ST8SIA6: variants seen among roughly 807,000 people sequenced by gnomAD.
ST8SIA6 encodes ST8 alpha-N-acetyl-neuraminide alpha-2,8-sialyltransferase 6.
A neutral mutation model predicts 33.6 loss-of-function variants in ST8SIA6; 39 were observed. The ratio of observed to expected loss-of-function variants is 1.16; its 90% confidence interval spans 0.90 to 1.52. The LOEUF is 1.52. Ranked by LOEUF, ST8SIA6 falls within the 40% of genes most tolerant of loss-of-function variation. The pLI is 0.00. For synonymous variants in ST8SIA6, 172 were observed against 167.2 expected (o/e 1.03, Z -0.22); for missense variants, 441 against 443.8 (o/e 0.99, Z 0.06).
At chr10:17,327,772 T>G (rs2131581009) in intron 5 of ST8SIA6, among the ~76,000 whole-genome samples, 1 of 151,884 alleles carries the variant, frequency 6.6e-6, no homozygotes, top group Non-Finnish European at 1.5e-5. Flanking sequence ...CTGAGTTTGG[T>G]GAAGAGCGCC....
At chr10:17,357,330 G>C (rs575937976) in intron 4 of ST8SIA6, among the ~76,000 whole-genome samples, 122 of 151,082 alleles carry the variant, frequency 8.1e-4, no homozygotes, top group African/African-American at 2.8e-3. Flanking sequence ...TAGAGACGGG[G>C]TTCCACCATG....
chr10:17,364,869 C>G (rs1319660290), intron 3 of ST8SIA6, among the ~76,000 whole-genome samples: 6 of 152,216 alleles, frequency 3.9e-5, no homozygotes, highest in African/African-American at 1.2e-4. Context: ...ACCCCAAAAT[C>G]TTGGGAGGTA....
intron 7 of ST8SIA6, 104 bp from the exon 8 acceptor site, chr10:17,321,450 T>C (rs2131572299): frequency 3.4e-6 from 3 of 887,582 alleles, no homozygotes; most frequent in Non-Finnish European, 5.0e-6. Context: ...CACTGAACGA[T>C]TTGTATACTG....
In ST8SIA6 at chr10:17,317,691, A is replaced by G. The variant is rs1203469271; in HGVS notation, c.*3187T>C. Among the ~76,000 whole-genome samples, 1 of 152,180 alleles carries G rather than the reference A, an allele frequency of 6.6e-6. No homozygotes were observed. Among genetic ancestry groups the G allele is most frequent in the African/African-American group, 2.4e-5 (1 of 41,448 alleles). On this transcript the variant is annotated 3_prime_UTR_variant, in exon 8 of 8. Transcript: ENST00000377602. ...AGTGATTTACGGTACTTGACATTAC[A>G]TAATACTTAGCTGGTAAATTTTTTA...
chr10:17,441,412 A>G (rs946220027), intron 2 of ST8SIA6, among the ~76,000 whole-genome samples: 5 of 152,078 alleles, frequency 3.3e-5, no homozygotes, highest in Non-Finnish European at 5.9e-5. Context: ...TCCCAGGTAC[A>G]AGCGATTCTC....
At chr10:17,367,441 C>T (rs1260712780) in intron 3 of ST8SIA6, among the ~76,000 whole-genome samples, 2 of 152,142 alleles carry the variant, frequency 1.3e-5, no homozygotes, top group African/African-American at 4.8e-5. Context: ...CTTCCCACAA[C>T]ACATGGAGAT....
intron 2 of ST8SIA6, among the ~76,000 whole-genome samples, chr10:17,405,807 A>G (rs2131685894): frequency 6.6e-6 from 1 of 150,628 alleles, no homozygotes; most frequent in South Asian, 2.1e-4. Context: ...ACTTGAATCC[A>G]GGAGGTGGAG....
At chr10:17,330,831 G>T (rs563733796) in intron 5 of ST8SIA6, among the ~76,000 whole-genome samples, 1 of 152,172 alleles carries the variant, frequency 6.6e-6, no homozygotes, top group Non-Finnish European at 1.5e-5. Context: ...CTAACTGTGT[G>T]AAGTGGTTTT....
chr10:17,387,589 G>A (rs1408510925), intron 3 of ST8SIA6, among the ~76,000 whole-genome samples: 1 of 152,084 alleles, frequency 6.6e-6, no homozygotes, highest in Non-Finnish European at 1.5e-5. Context: ...ATTTTCATAG[G>A]GCTATCCTTC....
Position 17,320,623 on chromosome 10 carries a change from G to T in ST8SIA6, c.*255C>A, listed in dbSNP as rs1847911500. The T allele has an allele frequency of 6.4e-6, 3 of 472,074 alleles. No homozygotes were observed. In the Admixed American group the frequency reaches 1.1e-4, roughly 17 times the overall value. 29.2% of individuals were successfully genotyped at this position (472,074 alleles called of 1,614,324 possible). A position where few individuals can be genotyped will look rare whatever the true frequency, so the allele number is the denominator to read the frequency against. ...TTTGAGTCCCTACCTCACACCAAAG[G>T]CCATGCCAATAATTTTCATAAATTA... On this transcript the variant is annotated 3_prime_UTR_variant, in exon 8 of 8. Transcript: ENST00000377602.
intron 4 of ST8SIA6, among the ~76,000 whole-genome samples, chr10:17,341,124 G>A (rs918732654): frequency 2.0e-5 from 3 of 152,232 alleles, no homozygotes; most frequent in Non-Finnish European, 2.9e-5. Context: ...GAACCCAGCA[G>A]TGTGCACTGG....
intron 2 of ST8SIA6, among the ~76,000 whole-genome samples, chr10:17,443,970 AAG>A (rs1852604743): frequency 1.3e-5 from 2 of 152,140 alleles, no homozygotes; most frequent in Non-Finnish European, 2.9e-5. Context: ...CACCTTGCAA[AAG>A]AGGGGATATA....
chr10:17,437,738 CTCTCTTT>C, intron 2 of ST8SIA6, among the ~76,000 whole-genome samples: 1 of 147,370 alleles, frequency 6.8e-6, no homozygotes, highest in African/African-American at 2.5e-5. Context: ...CCCTCCCTTT[CTCTCTTT>C]CTCTCTTCCT....
At chr10:17,334,550 A>AT (rs1848443087) in intron 4 of ST8SIA6, among the ~76,000 whole-genome samples, 1 of 101,454 alleles carries the variant, frequency 9.9e-6, no homozygotes, top group African/African-American at 3.3e-5. Flanking sequence ...AAAAAAAAAA[A>AT]AATTATTATT....
intron 2 of ST8SIA6, 42 bp from the exon 3 acceptor site, chr10:17,390,662 G>T (rs747310731): frequency 1.0e-4 from 152 of 1,505,608 alleles, no homozygotes; most frequent in Non-Finnish European, 1.2e-4. Context: ...GATTTAAAAT[G>T]AGAGCTTATA....
intron 2 of ST8SIA6, among the ~76,000 whole-genome samples, chr10:17,441,558 C>G (rs1017500516): frequency 6.6e-6 from 1 of 152,104 alleles, no homozygotes; most frequent in African/African-American, 2.4e-5. Context: ...ATCCACCTGC[C>G]ACAGCCTCCC....
At chr10:17,390,804 A>AAAAAAC (rs1850569587) in intron 2 of ST8SIA6, among the ~76,000 whole-genome samples, 184 bp from the exon 3 acceptor site, 1 of 151,366 alleles carries the variant, frequency 6.6e-6, no homozygotes, top group Admixed American at 6.6e-5. Context: ...TAAATGAAAA[A>AAAAAAC]AAAAACAAAA....
chr10:17,431,221 C>A (rs1439736096), intron 2 of ST8SIA6, among the ~76,000 whole-genome samples: 2 of 152,160 alleles, frequency 1.3e-5, no homozygotes, highest in Non-Finnish European at 2.9e-5. Context: ...GAACTAGCCG[C>A]TGAGGATGGC....
intron 4 of ST8SIA6, among the ~76,000 whole-genome samples, chr10:17,348,221 CTTTT>C (rs202024746): frequency 0.19 from 25,355 of 131,736 alleles, 2,250 homozygotes; most frequent in African/African-American, 0.22. Flanking sequence ...GAGTAGGAAC[CTTTT>C]TTTTTTTTTT....
Sources: gnomAD v4.1 joint callset for allele counts (sites outside exome capture counted in the v4.1 genomes callset) on GRCh38, gnomAD v4.1.1 for gene constraint, MANE v1.5 for transcripts, NCBI Gene and HGNC (gene_info 2026-07-23, HGNC 2026-07-21) for gene names.